Variants in ACER2 observed in about 807,000 individuals in gnomAD.
The protein encoded by ACER2 is alkaline ceramidase 2.
In ACER2, 26 loss-of-function variants were observed where a neutral mutation model predicts 34.7. The observed-to-expected ratio is 0.75, with a 90% CI of 0.55 to 1.04. ACER2 has a LOEUF of 1.04. ACER2 is among the 50% of genes least tolerant of loss of function. ACER2 has a pLI of 0.00. For missense variants in ACER2, 352 were observed against 340.8 expected (o/e 1.03, Z -0.26); for synonymous variants, 138 against 132.1 (o/e 1.04, Z -0.31).
chr9:19,440,690 C>A (rs1258866629), intron 4 of ACER2, among the ~76,000 whole-genome samples: 2 of 152,220 alleles, frequency 1.3e-5, no homozygotes, highest in African/African-American at 2.4e-5. Flanking sequence ...GATTAAGACA[C>A]TGTTTTTCTC....
At position 19,443,149 on chromosome 9, in the gene ACER2, G is replaced by T. The variant is rs1485427108; in HGVS notation, c.504-3132G>T. 2.0e-5 allele frequency among the ~76,000 whole-genome samples: 3 copies of T among 152,204 alleles called. No individual in the cohort carries two copies. The East Asian group carries it at 5.8e-4, about 29-fold the overall frequency. On this transcript the variant is annotated intron_variant, in intron 4 of 5. Coordinates refer to ENST00000340967, the MANE Select transcript of ACER2 (RefSeq NM_001010887.3). ...GGGTTCGCGCCATTCTCCTGCTTCA[G>T]TCTCCGGAGTAGCTGGGACTTCAGG...
rs1715921758 is a variant in ACER2, at chr9:19,417,861, C to G, written c.109-6001C>G. Among the ~76,000 whole-genome samples the G allele has an allele frequency of 2.0e-5, 3 of 152,062 alleles. No individual in the cohort carries two copies. In the South Asian group the frequency reaches 6.2e-4, roughly 32 times the overall value. ...ACAAAAGCCAAAATTGACAAATGAG[C>G]TCTAATTAAACTAAAGAGCTTCTGC... is the stretch of plus-strand genomic sequence containing the variant. On this transcript the variant is annotated intron_variant, in intron 1 of 5. Coordinates refer to ENST00000340967, the MANE Select transcript of ACER2 (RefSeq NM_001010887.3).
At chr9:19,413,850 C>T (rs571723892) in intron 1 of ACER2, among the ~76,000 whole-genome samples, 16 of 152,248 alleles carry the variant, frequency 1.1e-4, no homozygotes, top group East Asian at 1.9e-4. Context: ...ATAGAGCTCT[C>T]GTTATATGCC....
At chr9:19,429,616 G>C (rs1339267170) in intron 3 of ACER2, among the ~76,000 whole-genome samples, 1 of 152,238 alleles carries the variant, frequency 6.6e-6, no homozygotes, top group Non-Finnish European at 1.5e-5. Context: ...ACAGGCATGA[G>C]CCACTGTGCC....
At chr9:19,440,638 C>T (rs1293926500) in intron 4 of ACER2, among the ~76,000 whole-genome samples, 1 of 152,178 alleles carries the variant, frequency 6.6e-6, no homozygotes, top group Admixed American at 6.5e-5. Flanking sequence ...CTGTTTTTAT[C>T]AGCCACCCAG....
chr9:19,409,662 G>A, intron 1 of ACER2: 1 of 865,372 alleles, frequency 1.2e-6, no homozygotes, highest in Non-Finnish European at 1.4e-6. Context: ...CGCGGCTGGG[G>A]TCACTCCCAC....
chr9:19,431,680 A>G (rs897723316), intron 3 of ACER2, among the ~76,000 whole-genome samples: 9 of 152,174 alleles, frequency 5.9e-5, no homozygotes, highest in African/African-American at 2.2e-4. Context: ...GCCTCTCCTG[A>G]GGATTAGCTG....
chr9:19,437,415 A>G (rs556543501), intron 4 of ACER2, among the ~76,000 whole-genome samples: 1 of 152,162 alleles, frequency 6.6e-6, no homozygotes, highest in East Asian at 1.9e-4. Flanking sequence ...ATTTCATGGA[A>G]TCGCCCTCTG....
intron 5 of ACER2, among the ~76,000 whole-genome samples, chr9:19,446,889 A>C (rs1172672629): frequency 4.6e-5 from 7 of 152,160 alleles, no homozygotes; most frequent in Admixed American, 3.9e-4. Context: ...CATTATTTCT[A>C]TAAGTGGGGA....
intron 5 of ACER2, 34 bp downstream of exon 5, chr9:19,446,452 C>G (rs1831367502): frequency 1.6e-5 from 26 of 1,613,368 alleles, no homozygotes; most frequent in Non-Finnish European, 2.1e-5. Context: ...TGGCCGGGGA[C>G]AGGTGTGTTT....
intron 5 of ACER2, among the ~76,000 whole-genome samples, chr9:19,449,622 G>C (rs1335600830): frequency 6.6e-6 from 1 of 152,050 alleles, no homozygotes; most frequent in Non-Finnish European, 1.5e-5. Context: ...AGTGGCTTAC[G>C]ACTGTAATCC....
At chr9:19,427,236 C>T (rs1360504826) in intron 3 of ACER2, among the ~76,000 whole-genome samples, 2 of 152,212 alleles carry the variant, frequency 1.3e-5, no homozygotes, top group Non-Finnish European at 2.9e-5. Context: ...AGTTAGCTCT[C>T]CTGACTGCCT....
intron 4 of ACER2, among the ~76,000 whole-genome samples, chr9:19,441,677 A>G (rs953894558): frequency 2.6e-5 from 4 of 151,900 alleles, no homozygotes; most frequent in African/African-American, 9.7e-5. Flanking sequence ...TATATTATTT[A>G]TATTGTTTTG....
chr9:19,446,294 C>A lies in ACER2; in HGVS notation c.517C>A (p.Arg173Ser), dbSNP rs774325568. The A allele has an allele frequency of 2.5e-6, 4 of 1,614,096 alleles. No homozygotes were observed. Among genetic ancestry groups the A allele is most frequent in the Non-Finnish European group, 3.4e-6 (4 of 1,180,026 alleles). Residue 173 changes from arginine to serine, a missense_variant, in exon 5 of 6, where the codon CGT (arginine) becomes AGT (serine). Physicochemically the swap from Arg to Ser is moderately radical, Grantham distance 110. Transcript: ENST00000340967. Reference sequence around the variant, plus strand: ...ACCCCCGTGCAGGTGTGACAACATGCGTGTGTTTAAGCTGGGCCTCTTCTC... The same window carrying A: ...ACCCCCGTGCAGGTGTGACAACATGAGTGTGTTTAAGCTGGGCCTCTTCTC... ...IAELKRCDNM[R>S]VFKLGLFSGL... is the part of the protein sequence containing the mutation.
chr9:19,421,860 A>G lies in ACER2; in HGVS notation c.109-2002A>G, dbSNP rs73418094. On this transcript the variant is annotated intron_variant, in intron 1 of 5. Transcript: ENST00000340967. ...AAGTAAGTTAAAAAAATTAGGGATG[A>G]GTTTCCAATATGACAGTCACTGGCC... Among the ~76,000 whole-genome samples the G allele has an allele frequency of 5.3e-3, 813 of 152,288 alleles. 6 individuals are homozygous for G. The highest frequency in any genetic ancestry group is 0.019 in the African/African-American group (777 of 41,558).
At chr9:19,434,814 G>T in intron 3 of ACER2, 133 bp from the exon 4 acceptor site, 24 of 1,156,878 alleles carry the variant, frequency 2.1e-5, no homozygotes, top group East Asian at 2.5e-5. Flanking sequence ...GTGGCTTTTT[G>T]AACCTTGGTA....
chr9:19,445,372 A>G (rs544601824), intron 4 of ACER2, among the ~76,000 whole-genome samples: 5 of 152,378 alleles, frequency 3.3e-5, no homozygotes, highest in African/African-American at 1.2e-4. Flanking sequence ...AGCAGTAAAC[A>G]GATTCCATGT....
intron 1 of ACER2, among the ~76,000 whole-genome samples, chr9:19,419,809 G>C (rs78964134): frequency 6.6e-6 from 1 of 152,030 alleles, no homozygotes; most frequent in Non-Finnish European, 1.5e-5. Context: ...ACTAGAAAAA[G>C]GTACCCCTTT....
At chr9:19,412,656 CAAAA>C (rs59209941) in intron 1 of ACER2, among the ~76,000 whole-genome samples, 4 of 91,820 alleles carry the variant, frequency 4.4e-5, no homozygotes, top group Non-Finnish European at 5.0e-5. Context: ...GATTCTGTCT[CAAAA>C]AAAAAAAAAA....
Sources: allele counts gnomAD v4.1 joint callset (sites outside exome capture counted in the v4.1 genomes callset), GRCh38; gene constraint gnomAD v4.1.1; transcripts MANE v1.5; gene names NCBI Gene and HGNC (gene_info 2026-07-23, HGNC 2026-07-21).